The following ADAM29 variants were observed in gnomAD, a reference collection of about 807,000 sequenced individuals.
The protein encoded by ADAM29 is disintegrin and metalloproteinase domain-containing protein 29.
For missense variants in ADAM29, 969 were observed against 1,001.8 expected, an observed-to-expected ratio of 0.97 and a Z score of 0.44; for synonymous variants, 367 against 342.3, an observed-to-expected ratio of 1.07 and a Z score of -0.80.
At chr4:174,958,342 G>A (rs1439989130) in intron 4 of ADAM29, among the ~76,000 whole-genome samples, 1 of 151,628 alleles carries the variant, frequency 6.6e-6, no homozygotes, top group African/African-American at 2.4e-5. Context: ...GTGTTGTTAG[G>A]TACATACCAG....
At chr4:174,960,629 G>A (rs1036116818) in intron 4 of ADAM29, among the ~76,000 whole-genome samples, 17 of 152,186 alleles carry the variant, frequency 1.1e-4, no homozygotes, top group African/African-American at 3.9e-4. Context: ...AATGCTTTGT[G>A]AGACATGCTA....
intron 4 of ADAM29, among the ~76,000 whole-genome samples, chr4:174,964,241 GA>G (rs1265342170): frequency 4.6e-5 from 7 of 151,798 alleles, no homozygotes; most frequent in Non-Finnish European, 8.8e-5. Context: ...GTCCTTATAA[GA>G]AGAGAAAATT....
At chr4:174,920,499 G>A (rs565611703) in intron 1 of ADAM29, among the ~76,000 whole-genome samples, 188 bp from the exon 2 acceptor site, 2 of 151,964 alleles carry the variant, frequency 1.3e-5, no homozygotes, top group East Asian at 1.9e-4. Context: ...ATTAAAACAC[G>A]CTAATAAATT....
intron 4 of ADAM29, among the ~76,000 whole-genome samples, chr4:174,961,728 G>A (rs4695990): frequency 0.44 from 66,498 of 151,970 alleles, 15,479 homozygotes; most frequent in African/African-American, 0.6. Context: ...CTGGCTTTCA[G>A]ATAAGTTATA....
chr4:174,972,182 G>A (rs534783909), intron 4 of ADAM29, among the ~76,000 whole-genome samples: 2 of 152,170 alleles, frequency 1.3e-5, no homozygotes, highest in Admixed American at 6.5e-5. Flanking sequence ...CATTAGGGTT[G>A]GTTTCTGAAG....
intron 2 of ADAM29, among the ~76,000 whole-genome samples, chr4:174,928,797 T>C (rs1743675956): frequency 1.3e-5 from 2 of 152,150 alleles, no homozygotes; most frequent in Non-Finnish European, 2.9e-5. Context: ...TACATTTCTA[T>C]AGAGACTGGA....
chr4:174,970,025 T>G (rs1746384173), intron 4 of ADAM29, among the ~76,000 whole-genome samples: 1 of 152,028 alleles, frequency 6.6e-6, no homozygotes, highest in Non-Finnish European at 1.5e-5. Context: ...CACTGACTGT[T>G]AAGTGACACC....
intron 4 of ADAM29, among the ~76,000 whole-genome samples, chr4:174,970,830 T>C (rs974057247): frequency 6.6e-6 from 1 of 152,180 alleles, no homozygotes; most frequent in African/African-American, 2.4e-5. Flanking sequence ...GTAGTAATGT[T>C]GCCTCTTTCA....
intron 4 of ADAM29, among the ~76,000 whole-genome samples, chr4:174,943,714 T>G (rs1050701959): frequency 1.3e-5 from 2 of 152,128 alleles, no homozygotes; most frequent in African/African-American, 4.8e-5. Flanking sequence ...ATTAAGGACC[T>G]TCTTTCGTCC....
At chr4:174,944,951 T>C (rs1744755874) in intron 4 of ADAM29, among the ~76,000 whole-genome samples, 1 of 152,138 alleles carries the variant, frequency 6.6e-6, no homozygotes, top group South Asian at 2.1e-4. Context: ...CTTGAGTTGA[T>C]TCTTTGCTAT....
chr4:174,919,372 T>G (rs1365743543), intron 1 of ADAM29, among the ~76,000 whole-genome samples: 2 of 152,192 alleles, frequency 1.3e-5, no homozygotes, highest in Admixed American at 1.3e-4. Context: ...GTATTCATTT[T>G]CTGTGGCTAG....
intron 2 of ADAM29, among the ~76,000 whole-genome samples, chr4:174,930,194 T>C (rs772197150): frequency 1.2e-4 from 18 of 152,220 alleles, no homozygotes; most frequent in Non-Finnish European, 2.2e-4. Flanking sequence ...CCTCCCAAAG[T>C]GCTGGGATTA....
At chr4:174,924,132 A>G (rs1743350962) in intron 2 of ADAM29, 1 of 152,220 alleles carries the variant, frequency 6.6e-6, no homozygotes, top group Non-Finnish European at 1.5e-5. Flanking sequence ...ATCATACCTA[A>G]CACTCAACAA....
In ADAM29 at chr4:174,976,773, A is replaced by G. The variant is rs775690796; in HGVS notation, c.1248A>G (p.Leu416=). ...EEGEECDCGP[L]KHCAKDPCCL... is the part of the protein sequence containing the mutation. ...GAGAAGAGTGTGACTGTGGACCTTT[A>G]AAGCATTGTGCAAAAGATCCCTGCT... The change falls in exon 5 of 5, where the codon TTA becomes TTG. Residue 416 remains leucine (L), a synonymous_variant. Coordinates refer to ENST00000359240, the MANE Select transcript of ADAM29 (RefSeq NM_014269.4). The G allele has an allele frequency of 6.2e-7, 1 of 1,614,152 alleles. No homozygotes were observed. Among genetic ancestry groups the G allele is most frequent in the Non-Finnish European group, 8.5e-7 (1 of 1,180,004 alleles).
intron 4 of ADAM29, among the ~76,000 whole-genome samples, chr4:174,952,861 C>T (rs563649355): frequency 2.0e-3 from 307 of 152,266 alleles, no homozygotes; most frequent in African/African-American, 7.1e-3. Flanking sequence ...ATCTGAGTGA[C>T]AAGCCAAACA....
intron 2 of ADAM29, among the ~76,000 whole-genome samples, chr4:174,924,628 TA>T (rs574144058): frequency 2.0e-5 from 3 of 152,088 alleles, no homozygotes; most frequent in Non-Finnish European, 4.4e-5. Flanking sequence ...TGTTTAGTGA[TA>T]AAAAGAAATG....
intron 2 of ADAM29, among the ~76,000 whole-genome samples, chr4:174,930,195 G>T (rs375839028): frequency 1.3e-5 from 2 of 152,150 alleles, no homozygotes; most frequent in South Asian, 2.1e-4. Flanking sequence ...CTCCCAAAGT[G>T]CTGGGATTAT....
At chr4:174,928,884 C>T (rs1443740413) in intron 2 of ADAM29, among the ~76,000 whole-genome samples, 1 of 152,168 alleles carries the variant, frequency 6.6e-6, no homozygotes, top group Non-Finnish European at 1.5e-5. Flanking sequence ...CATTCCTAGT[C>T]TGTAAAACTT....
Position 174,976,494 on chromosome 4 carries a change from G to A in ADAM29, c.969G>A (p.Leu323=). 6.2e-7 allele frequency: 1 copy of A among 1,611,718 alleles called. No homozygotes were observed. Among genetic ancestry groups the A allele is most frequent in the South Asian group, 1.1e-5 (1 of 90,620 alleles). The change falls in exon 5 of 5, where the codon TTG becomes TTA. Residue 323 remains leucine, a synonymous_variant. Coordinates refer to ENST00000359240, the MANE Select transcript of ADAM29 (RefSeq NM_014269.4). ...TTGTTACTTTCATGAACAAAACTTT[G>A]GGCACTTTTTCAATTGCAGTGGCTC... The part of the protein sequence containing the change: ...CAIVTFMNKT[L]GTFSIAVAHH...
Sources: allele counts gnomAD v4.1 joint callset (sites outside exome capture counted in the v4.1 genomes callset), GRCh38; gene constraint gnomAD v4.1.1; transcripts MANE v1.5; gene names NCBI Gene and HGNC (gene_info 2026-07-23, HGNC 2026-07-21).